ANKS1B: variants seen among roughly 807,000 people sequenced by gnomAD.
The protein encoded by ANKS1B is ankyrin repeat and sterile alpha motif domain containing 1B.
A neutral mutation model predicts 148.3 loss-of-function variants in ANKS1B; 36 were observed. That is an observed-to-expected ratio of 0.24 (90% CI 0.19 to 0.32). The LOEUF (loss-of-function observed/expected upper bound fraction) is 0.32. ANKS1B is among the 10% of genes least tolerant of loss of function. The pLI is 1.00. For missense variants in ANKS1B, 1,157 were observed against 1,542.6 expected (o/e 0.75, Z 4.19); for synonymous variants, 542 against 560.8 (o/e 0.97, Z 0.47).
chr12:99,380,770 T>C (rs1444767119), intron 12 of ANKS1B, among the ~76,000 whole-genome samples: 1 of 108,112 alleles, frequency 9.2e-6, no homozygotes, highest in Non-Finnish European at 2.0e-5. Flanking sequence ...CCTTCCTTCC[T>C]TCCTTCCTTC....
chr12:99,408,251 A>G (rs988401867), intron 11 of ANKS1B, among the ~76,000 whole-genome samples: 2 of 146,012 alleles, frequency 1.4e-5, no homozygotes, highest in Non-Finnish European at 3.0e-5. Flanking sequence ...ACAAGGTTAC[A>G]TAAGGGAAAA....
chr12:99,635,534 G>A (rs191024781), intron 9 of ANKS1B, among the ~76,000 whole-genome samples: 54 of 152,264 alleles, frequency 3.5e-4, no homozygotes, highest in Admixed American at 2.0e-3. Context: ...CCACTTAGTT[G>A]AGGTATCTAG....
chr12:99,729,591 A>T (rs892070956), intron 8 of ANKS1B, among the ~76,000 whole-genome samples: 1 of 152,150 alleles, frequency 6.6e-6, no homozygotes, highest in Non-Finnish European at 1.5e-5. Flanking sequence ...TTCTTTGAAC[A>T]TATCTACAAT....
At chr12:99,700,326 A>C (rs1171085960) in intron 8 of ANKS1B, among the ~76,000 whole-genome samples, 1 of 152,142 alleles carries the variant, frequency 6.6e-6, no homozygotes. Flanking sequence ...CATAGGGGTG[A>C]GTTCCAAGAC....
chr12:99,346,606 C>CA (rs139579858), intron 12 of ANKS1B, among the ~76,000 whole-genome samples: 2,589 of 151,790 alleles, frequency 0.017, 77 homozygotes, highest in African/African-American at 0.059. Context: ...CACTGAAAAG[C>CA]AAAAAACAAA....
Position 99,795,117 on chromosome 12 carries a change from A to AT in ANKS1B, c.669+11286dup, listed in dbSNP as rs2066093161. On this transcript the variant is annotated intron_variant, in intron 4 of 26. Coordinates refer to ENST00000683438, the MANE Select transcript of ANKS1B (RefSeq NM_001352186.2). ...GTCTAATCAATTTTAGAGGAAGAAG[A>AT]TAGAGGTAAATAATAGTCAGTGGCT... 2.0e-5 allele frequency among the ~76,000 whole-genome samples: 3 copies of AT among 152,106 alleles called. No individual in the cohort carries two copies. In the South Asian group the frequency reaches 6.2e-4, roughly 32 times the overall value.
chr12:99,081,510 G>A (rs1008980400), intron 16 of ANKS1B, among the ~76,000 whole-genome samples: 1 of 152,100 alleles, frequency 6.6e-6, no homozygotes, highest in African/African-American at 2.4e-5. Flanking sequence ...TCTGAAGATC[G>A]GGCTCATTAC....
At chr12:99,855,933 T>C (rs751554235) in intron 1 of ANKS1B, among the ~76,000 whole-genome samples, 14 of 152,240 alleles carry the variant, frequency 9.2e-5, no homozygotes, top group Middle Eastern at 3.4e-3. Flanking sequence ...GGAAAGTTCA[T>C]AGCATTAAAT....
In ANKS1B at chr12:99,258,053, T is replaced by C. The variant is rs569313104; in HGVS notation, c.1757-11189A>G. Among the ~76,000 whole-genome samples, 97 of 152,318 alleles carry C rather than the reference T, an allele frequency of 6.4e-4. 4 individuals are homozygous for C. In the South Asian group the frequency reaches 0.019, roughly 31 times the overall value. On this transcript the variant is annotated intron_variant, in intron 12 of 26. Transcript: ENST00000683438. Reference sequence around the variant, plus strand: ...GAGTACCTAGACTGACATAATACTTTGAAGCATAATATTTTTATTTAAAAA... The same window carrying C: ...GAGTACCTAGACTGACATAATACTTCGAAGCATAATATTTTTATTTAAAAA...
chr12:98,889,839 A>C (rs1429212932), intron 17 of ANKS1B, among the ~76,000 whole-genome samples: 1 of 152,230 alleles, frequency 6.6e-6, no homozygotes, highest in African/African-American at 2.4e-5. Context: ...TAACTGCAAC[A>C]GGTGGTATGT....
chr12:99,728,493 G>A (rs2058828913), intron 8 of ANKS1B, among the ~76,000 whole-genome samples: 1 of 152,200 alleles, frequency 6.6e-6, no homozygotes, highest in South Asian at 2.1e-4. Context: ...TTGGGAGGCT[G>A]TGGAGAAATA....
chr12:99,635,618 A>C (rs577003594), intron 9 of ANKS1B, among the ~76,000 whole-genome samples: 10 of 152,290 alleles, frequency 6.6e-5, no homozygotes, highest in African/African-American at 2.4e-4. Flanking sequence ...ATAAATAGAA[A>C]GTTTTGTTTA....
intron 9 of ANKS1B, among the ~76,000 whole-genome samples, chr12:99,597,251 GGAGA>G (rs3081683): frequency 4.0e-5 from 6 of 149,568 alleles, no homozygotes; most frequent in African/African-American, 7.4e-5. Context: ...AATGTCTGAG[GGAGA>G]GAGAGAGAGA....
intron 25 of ANKS1B, among the ~76,000 whole-genome samples, chr12:98,764,481 G>A (rs1367620128): frequency 2.6e-5 from 4 of 152,174 alleles, no homozygotes; most frequent in Non-Finnish European, 5.9e-5. Flanking sequence ...GCCCGCCTCA[G>A]CCTCCTAAAG....
intron 17 of ANKS1B, among the ~76,000 whole-genome samples, chr12:98,931,096 G>T (rs542543199): frequency 2.6e-5 from 4 of 152,228 alleles, no homozygotes; most frequent in African/African-American, 9.6e-5. Flanking sequence ...AATCAGAGTT[G>T]TTAGGCTACT....
intron 14 of ANKS1B, among the ~76,000 whole-genome samples, chr12:99,214,605 G>A (rs1289474142): frequency 6.6e-6 from 1 of 152,186 alleles, no homozygotes; most frequent in Non-Finnish European, 1.5e-5. Context: ...GGAACTGTGA[G>A]TCCATGAAAC....
chr12:99,146,331 C>T (rs140988806), intron 15 of ANKS1B, among the ~76,000 whole-genome samples: 42 of 152,046 alleles, frequency 2.8e-4, no homozygotes, highest in African/African-American at 8.7e-4. Context: ...AACAGAGCAC[C>T]GTGGGTGCAC....
intron 8 of ANKS1B, among the ~76,000 whole-genome samples, chr12:99,679,319 TTTTG>T (rs1247038763): frequency 6.6e-5 from 10 of 152,312 alleles, no homozygotes; most frequent in African/African-American, 2.4e-4. Context: ...TTTGTTGTTG[TTTTG>T]TTTGAGACAG....
At chr12:98,900,259 A>G (rs2099770218) in intron 17 of ANKS1B, among the ~76,000 whole-genome samples, 1 of 152,218 alleles carries the variant, frequency 6.6e-6, no homozygotes, top group Non-Finnish European at 1.5e-5. Context: ...CTGCCTTGAG[A>G]TTCTTGGAGG....
Sources: allele counts gnomAD v4.1 joint callset (sites outside exome capture counted in the v4.1 genomes callset), GRCh38; gene constraint gnomAD v4.1.1; transcripts MANE v1.5; gene names NCBI Gene and HGNC (gene_info 2026-07-23, HGNC 2026-07-21).